Variants in GRSF1 observed in about 807,000 individuals in gnomAD.
The protein encoded by GRSF1 is G-rich sequence factor 1.
GRSF1 carries 50 observed loss-of-function variants against 51.1 expected under a neutral mutation model. The ratio of observed to expected loss-of-function variants is 0.98; its 90% CI spans 0.78 to 1.24. The LOEUF (loss-of-function observed/expected upper bound fraction) is 1.24. Among genes scored for constraint, GRSF1 ranks in the 50% most tolerant of loss-of-function variants. The probability of loss-of-function intolerance (pLI) is 0.00; values close to 1 mark genes in which losing one functional copy is unlikely to be tolerated. For synonymous variants in GRSF1, 293 were observed against 253.3 expected (o/e 1.16, Z -1.49); for missense variants, 700 against 639.7 (o/e 1.09, Z -1.02).
intron 1 of GRSF1, among the ~76,000 whole-genome samples, chr4:70,838,701 T>C (rs1295853275): frequency 6.6e-6 from 1 of 152,152 alleles, no homozygotes; most frequent in East Asian, 1.9e-4. Context: ...CACACCGACT[T>C]TTCTAAAAAA....
intron 3 of GRSF1, 94 bp from the exon 4 acceptor site, chr4:70,832,544 G>A (rs1194397088): frequency 1.5e-6 from 1 of 672,776 alleles, no homozygotes; most frequent in Non-Finnish European, 2.6e-6. Context: ...GGTTATCTGA[G>A]AATTCAATAA....
chr4:70,823,976 C>CTTTTT (rs35338829), intron 9 of GRSF1, among the ~76,000 whole-genome samples: 5 of 131,312 alleles, frequency 3.8e-5, no homozygotes, highest in African/African-American at 1.4e-4. Flanking sequence ...GTATCTCTCT[C>CTTTTT]TTTTTTTTTT....
intron 5 of GRSF1, among the ~76,000 whole-genome samples, chr4:70,828,859 T>C (rs1209375971): frequency 1.3e-5 from 2 of 151,584 alleles, no homozygotes; most frequent in African/African-American, 4.8e-5. Context: ...TGCCTCAGCC[T>C]CCTGAGTAGC....
intron 5 of GRSF1, among the ~76,000 whole-genome samples, chr4:70,830,198 C>T (rs530840842): frequency 6.9e-4 from 105 of 151,872 alleles, no homozygotes; most frequent in African/African-American, 2.4e-3. Flanking sequence ...GAAGCCAAAG[C>T]GGGCGATCAC....
intron 1 of GRSF1, among the ~76,000 whole-genome samples, chr4:70,837,710 G>C (rs1734274464): frequency 6.6e-6 from 1 of 150,714 alleles, no homozygotes; most frequent in African/African-American, 2.4e-5. Flanking sequence ...GCACAATCTC[G>C]GCTCACTGCA....
Position 70,836,318 on chromosome 4 carries a change from C to G in GRSF1, c.358-4G>C, listed in dbSNP as rs573186574. ...CCAGGTAAGTAGTTTTGGACTCCTTCCAAAGGAAATGAAGAATTGTAAAAA... is the reference window on the plus strand; with the variant it reads ...CCAGGTAAGTAGTTTTGGACTCCTTGCAAAGGAAATGAAGAATTGTAAAAA... On this transcript the variant is annotated splice_polypyrimidine_tract_variant and splice_region_variant and intron_variant, in intron 1 of 9. Transcript: ENST00000254799. 4 of 1,549,810 alleles carry G rather than the reference C, an allele frequency of 2.6e-6. No individual in the cohort carries two copies. In the East Asian group the frequency reaches 7.0e-5, roughly 27 times the overall value.
rs1283907916 is a variant in GRSF1, at chr4:70,831,440, TTTTC to T, written c.950+95_950+98del. On this transcript the variant is annotated intron_variant, in intron 5 of 9. Transcript: ENST00000254799. ...TGGCTCACTACACTACTCTCTCTAC[TTTTC>T]TATGTTTGGATAACTTTTCAGTCAT... 7.8e-5 allele frequency: 87 copies of T among 1,109,804 alleles called. No homozygotes were observed. The East Asian group carries it at 2.0e-3, about 26-fold the overall frequency. 68.7% of individuals were successfully genotyped at this position (1,109,804 alleles called of 1,614,324 possible).
chr4:70,822,219 CAG>C (rs1733543755), intron 9 of GRSF1, among the ~76,000 whole-genome samples: 1 of 151,894 alleles, frequency 6.6e-6, no homozygotes, highest in Admixed American at 6.6e-5. Context: ...GAAAAGGAAA[CAG>C]TGGCACATTA....
chr4:70,831,555 C>T lies in GRSF1; in HGVS notation c.934G>A (p.Glu312Lys), dbSNP rs2148842741. Residue 312 changes from glutamate to lysine, a missense_variant, in exon 5 of 10, where the codon GAA becomes AAA. Coordinates refer to ENST00000254799, the MANE Select transcript of GRSF1 (RefSeq NM_002092.4). ...TTTACTCACCGATTACCAATTTCTT[C>T]CCTGTGTTTCAACAGGGCTTGGTTG... ...MANQALLKHR[E>K]EIGNRYIEIF... 2.5e-6 allele frequency: 4 copies of T among 1,613,354 alleles called. No individual in the cohort carries two copies. In the East Asian group the frequency reaches 6.7e-5, roughly 27 times the overall value.
At chr4:70,822,583 C>CA (rs749025985) in intron 9 of GRSF1, among the ~76,000 whole-genome samples, 8 of 20,516 alleles carry the variant, frequency 3.9e-4, no homozygotes, top group South Asian at 3.8e-3. Context: ...GATTTCATAT[C>CA]AAAAAAAAAA....
chr4:70,834,005 A>G (rs1400479758), intron 2 of GRSF1, among the ~76,000 whole-genome samples: 4 of 152,188 alleles, frequency 2.6e-5, no homozygotes, highest in African/African-American at 7.2e-5. Context: ...CATGCCTGTA[A>G]TCCCAGCCCT....
At chr4:70,827,656 T>C (rs909056118) in intron 6 of GRSF1, among the ~76,000 whole-genome samples, 196 bp downstream of exon 6, 2 of 151,992 alleles carry the variant, frequency 1.3e-5, no homozygotes, top group African/African-American at 4.8e-5. Flanking sequence ...CATGCGCCTG[T>C]AGTCCCAGCT....
At chr4:70,827,670 C>A (rs1036280002) in intron 6 of GRSF1, among the ~76,000 whole-genome samples, 182 bp downstream of exon 6, 2 of 151,718 alleles carry the variant, frequency 1.3e-5, no homozygotes, top group African/African-American at 4.8e-5. Flanking sequence ...CCCAGCTACT[C>A]AAAGAGGCTG....
intron 7 of GRSF1, 99 bp from the exon 8 acceptor site, chr4:70,825,530 C>T (rs765294838): frequency 1.2e-5 from 9 of 782,472 alleles, no homozygotes; most frequent in Non-Finnish European, 1.7e-5. Flanking sequence ...TTGATTCATA[C>T]ACTTGATACA....
chr4:70,838,387 TTG>T, intron 1 of GRSF1, among the ~76,000 whole-genome samples: 3 of 152,320 alleles, frequency 2.0e-5, no homozygotes, highest in Middle Eastern at 6.8e-3. Context: ...GTTGTGGTTT[TTG>T]TAGACAACTT....
At chr4:70,842,546 C>G (rs1389698851), upstream of GRSF1, among the ~76,000 whole-genome samples, 2 of 152,118 alleles carry the variant, frequency 1.3e-5, no homozygotes, top group African/African-American at 4.8e-5. Flanking sequence ...AGTAATCCTC[C>G]TGCCTCAGCC....
intron 9 of GRSF1, among the ~76,000 whole-genome samples, chr4:70,823,543 G>C (rs922510417): frequency 1.4e-5 from 2 of 145,414 alleles, no homozygotes; most frequent in African/African-American, 5.2e-5. Flanking sequence ...TCCTTATATT[G>C]ACACTTCAAT....
In GRSF1 at chr4:70,825,340, TG is replaced by T; in HGVS notation, c.1348del (p.His450MetfsTer24). ...TGEADVHFET[H>X]EDAVAAMLKD... ...GAGCATCGCTGCAACAGCATCCTCA[TG>T]GGTCTCAAAGTGCACATCAGCTTCT... is the stretch of plus-strand genomic sequence containing the variant. On this transcript the variant is annotated frameshift_variant, in exon 8 of 10. Coordinates refer to ENST00000254799, the MANE Select transcript of GRSF1 (RefSeq NM_002092.4). LOFTEE classifies it high-confidence loss of function. The T allele has an allele frequency of 1.9e-6, 3 of 1,611,622 alleles. No homozygotes were observed. The highest frequency in any genetic ancestry group is 8.5e-7 in the Non-Finnish European group (1 of 1,178,216).
intron 3 of GRSF1, 61 bp from the exon 4 acceptor site, chr4:70,832,511 A>C (rs1734024386): frequency 1.0e-6 from 1 of 983,318 alleles, no homozygotes; most frequent in Non-Finnish European, 1.5e-6. Flanking sequence ...AAACCCATTA[A>C]AAAAAATCAT....
Sources: gnomAD v4.1 joint callset for allele counts (sites outside exome capture counted in the v4.1 genomes callset) on GRCh38, gnomAD v4.1.1 for gene constraint, MANE v1.5 for transcripts, NCBI Gene and HGNC (gene_info 2026-07-23, HGNC 2026-07-21) for gene names.